PTPRQ: variants seen among roughly 807,000 people sequenced by gnomAD.
PTPRQ encodes phosphatidylinositol phosphatase PTPRQ.
PTPRQ carries 199 observed loss-of-function variants against 246.0 expected under a neutral mutation model. The observed-to-expected ratio is 0.81, with a 90% CI of 0.72 to 0.91. PTPRQ has a LOEUF of 0.91. Among genes scored for constraint, PTPRQ ranks in the 40% least tolerant of loss-of-function variants. PTPRQ has a pLI of 0.00. For missense variants in PTPRQ, 2,624 were observed against 2,528.4 expected (o/e 1.04, Z -0.81); for synonymous variants, 869 against 853.2 (o/e 1.02, Z -0.32).
At chr12:80,480,627 C>G (rs1364574187) in intron 8 of PTPRQ, among the ~76,000 whole-genome samples, 12 of 151,544 alleles carry the variant, frequency 7.9e-5, no homozygotes, top group African/African-American at 2.7e-4. Context: ...AGACCACTAG[C>G]AAGACTAATA....
chr12:80,602,672 G>A (rs908657773), intron 26 of PTPRQ, among the ~76,000 whole-genome samples: 6 of 151,608 alleles, frequency 4.0e-5, no homozygotes, highest in Admixed American at 6.6e-5. Context: ...CCTCTTATAG[G>A]CCCCACCTCT....
chr12:80,536,641 G>A (rs1895996875), intron 19 of PTPRQ, among the ~76,000 whole-genome samples: 1 of 152,204 alleles, frequency 6.6e-6, no homozygotes, highest in Admixed American at 6.5e-5. Context: ...AATGCCTTAA[G>A]AGCAGAAGGA....
intron 17 of PTPRQ, among the ~76,000 whole-genome samples, chr12:80,523,040 A>G (rs911031070): frequency 2.0e-5 from 3 of 151,940 alleles, no homozygotes; most frequent in Non-Finnish European, 4.4e-5. Context: ...TCAATTTCAG[A>G]GCCTGTTATT....
intron 17 of PTPRQ, among the ~76,000 whole-genome samples, chr12:80,521,604 A>G (rs1472125346): frequency 2.0e-5 from 3 of 152,038 alleles, no homozygotes; most frequent in Non-Finnish European, 4.4e-5. Context: ...TCCCAGCACC[A>G]TTTATTAAAT....
intron 33 of PTPRQ, among the ~76,000 whole-genome samples, chr12:80,623,891 A>T (rs918866115): frequency 2.6e-5 from 4 of 152,134 alleles, no homozygotes; most frequent in Non-Finnish European, 5.9e-5. Flanking sequence ...CAGGAGCATG[A>T]TTCCTTAGAT....
chr12:80,556,676 T>C (rs1324122746), intron 25 of PTPRQ, among the ~76,000 whole-genome samples: 2 of 152,168 alleles, frequency 1.3e-5, no homozygotes, highest in East Asian at 3.9e-4. Flanking sequence ...GATGGTTAGG[T>C]TGAGATCAGA....
In PTPRQ at chr12:80,451,293, C is replaced by T. The variant is rs1478073788; in HGVS notation, c.390+5576C>T. On this transcript the variant is annotated intron_variant, in intron 3 of 44. Transcript: ENST00000644991. Reference sequence around the variant, plus strand: ...TTTTCTTCTTTATTAGTCTTGCTAGCGGTCTGTCAATTTTGTTGATCCTTT... The same window carrying T: ...TTTTCTTCTTTATTAGTCTTGCTAGTGGTCTGTCAATTTTGTTGATCCTTT... 2.0e-4 allele frequency among the ~76,000 whole-genome samples: 27 copies of T among 133,024 alleles called. No homozygotes were observed. In the South Asian group the frequency reaches 3.0e-3, roughly 15 times the overall value. 87.3% of individuals were successfully genotyped at this position (133,024 alleles called of 152,430 possible).
intron 14 of PTPRQ, among the ~76,000 whole-genome samples, chr12:80,500,544 A>G (rs1261810677): frequency 6.6e-6 from 1 of 152,040 alleles, no homozygotes; most frequent in African/African-American, 2.4e-5. Flanking sequence ...AATTTTCAAA[A>G]TCAGAAGTTA....
chr12:80,656,304 A>G lies in PTPRQ; in HGVS notation c.6116-1681A>G, dbSNP rs1028431334. ...TAAGAACATGTATTGAGTGCCTATT[A>G]TAAGCTTTCATGTAAATTTTCTTCA... On this transcript the variant is annotated intron_variant, in intron 38 of 44. Coordinates refer to ENST00000644991, the MANE Select transcript of PTPRQ (RefSeq NM_001145026.2). Among the ~76,000 whole-genome samples the G allele has an allele frequency of 7.9e-5, 12 of 152,294 alleles. No homozygotes were observed. The East Asian group carries it at 2.3e-3, about 29-fold the overall frequency.
chr12:80,642,918 T>TCAAAAAA lies in PTPRQ; in HGVS notation c.5916-5979_5916-5978insCAAAAAA, dbSNP rs1400331385. On this transcript the variant is annotated intron_variant, in intron 35 of 44. Coordinates refer to ENST00000644991, the MANE Select transcript of PTPRQ (RefSeq NM_001145026.2). ...CTGGGCGACAGAGCGAGACTCCGTC[T>TCAAAAAA]TAAAAAAAAAAAAAAAAAAAAAAAA... is the stretch of plus-strand genomic sequence containing the variant. Among the ~76,000 whole-genome samples, 151 of 69,330 alleles carry TCAAAAAA rather than the reference T, an allele frequency of 2.2e-3. 7 individuals are homozygous for TCAAAAAA. Among genetic ancestry groups the TCAAAAAA allele is most frequent in the African/African-American group, 0.02 (148 of 7,506 alleles). 45.5% of individuals were successfully genotyped at this position (69,330 alleles called of 152,430 possible). A position where few individuals can be genotyped will look rare whatever the true frequency, so the allele number is the denominator to read the frequency against.
At chr12:80,649,003 ATT>A (rs1480949437) in intron 36 of PTPRQ, 80 bp downstream of exon 36, 1 of 1,334,440 alleles carries the variant, frequency 7.5e-7, no homozygotes, top group East Asian at 3.0e-5. Context: ...TTAATGTGTG[ATT>A]CACTTTTTGT....
chr12:80,452,679 T>G lies in PTPRQ; in HGVS notation c.391-4896T>G, dbSNP rs1475078625. The stretch of plus-strand genomic sequence containing the variant: ...GGTTGCAAATTCTTTTCTTTAAGAA[T>G]GTTGAATATTGGCCCCCACTCTCTT... On this transcript the variant is annotated intron_variant, in intron 3 of 44. Coordinates refer to ENST00000644991, the MANE Select transcript of PTPRQ (RefSeq NM_001145026.2). Among the ~76,000 whole-genome samples the G allele has an allele frequency of 2.0e-5, 3 of 152,216 alleles. No homozygotes were observed. The East Asian group carries it at 5.8e-4, about 29-fold the overall frequency.
intron 8 of PTPRQ, among the ~76,000 whole-genome samples, chr12:80,477,711 T>A (rs780895817): frequency 9.9e-5 from 15 of 152,210 alleles, no homozygotes; most frequent in Admixed American, 4.6e-4. Context: ...ATTGCCTCAC[T>A]CGGGAAGCGC....
chr12:80,636,665 G>A (rs1456807294), intron 35 of PTPRQ, among the ~76,000 whole-genome samples: 1 of 152,096 alleles, frequency 6.6e-6, no homozygotes, highest in Non-Finnish European at 1.5e-5. Flanking sequence ...ATACTAAAAT[G>A]TAAACTTCTA....
At chr12:80,635,874 G>T (rs1443075363) in intron 35 of PTPRQ, among the ~76,000 whole-genome samples, 2 of 152,048 alleles carry the variant, frequency 1.3e-5, no homozygotes, top group Non-Finnish European at 2.9e-5. Context: ...CCAAGTATTT[G>T]CTCAGCTCTG....
intron 16 of PTPRQ, among the ~76,000 whole-genome samples, chr12:80,507,764 C>T (rs1054063406): frequency 1.3e-5 from 2 of 151,860 alleles, no homozygotes; most frequent in African/African-American, 4.8e-5. Flanking sequence ...GCCCAAATTC[C>T]AATTTTTCTT....
At chr12:80,620,590 T>C (rs940932442) in intron 32 of PTPRQ, among the ~76,000 whole-genome samples, 9 of 151,838 alleles carry the variant, frequency 5.9e-5, no homozygotes, top group Non-Finnish European at 5.9e-5. Flanking sequence ...CAGGCAACCC[T>C]AAGAGTAATT....
chr12:80,594,153 C>A (rs1180460130), intron 26 of PTPRQ, among the ~76,000 whole-genome samples: 3 of 152,106 alleles, frequency 2.0e-5, no homozygotes, highest in Non-Finnish European at 4.4e-5. Flanking sequence ...TAAAAATTGT[C>A]AATGTGTTAC....
intron 3 of PTPRQ, among the ~76,000 whole-genome samples, chr12:80,455,600 T>A (rs1892952750): frequency 6.6e-6 from 1 of 151,760 alleles, no homozygotes; most frequent in African/African-American, 2.4e-5. Context: ...AGTTGTTTTT[T>A]TTTTTTTTGA....
Sources: allele counts gnomAD v4.1 joint callset (sites outside exome capture counted in the v4.1 genomes callset), GRCh38; gene constraint gnomAD v4.1.1; transcripts MANE v1.5; gene names NCBI Gene and HGNC (gene_info 2026-07-23, HGNC 2026-07-21).